Variants in UMAD1 observed in about 807,000 individuals in gnomAD.
UMAD1 encodes the protein UBAP1-MVB12-associated (UMA)-domain containing protein 1.
UMAD1 carries 8 observed loss-of-function variants against 6.1 expected under a neutral mutation model. The observed-to-expected ratio is 1.30, with a 90% confidence interval of 0.76 to 2.35. The LOEUF (loss-of-function observed/expected upper bound fraction) is 2.35, where lower values mean the gene tolerates loss of function less well. Ranked by LOEUF, UMAD1 falls within the 30% of genes most tolerant of loss-of-function variation. The pLI is 0.00. For missense variants in UMAD1, 130 were observed against 78.4 expected, an observed-to-expected ratio of 1.66 and a Z score of -2.49; for synonymous variants, 56 against 31.4, an observed-to-expected ratio of 1.78 and a Z score of -2.61.
chr7:7,807,335 C>G (rs892604590), intron 3 of UMAD1, among the ~76,000 whole-genome samples: 2 of 151,956 alleles, frequency 1.3e-5, no homozygotes, highest in African/African-American at 4.8e-5. Flanking sequence ...AAATGAAATT[C>G]TTCATTAAGA....
intron 2 of UMAD1, among the ~76,000 whole-genome samples, chr7:7,711,797 G>C (rs1780770652): frequency 6.6e-6 from 1 of 151,970 alleles, no homozygotes; most frequent in East Asian, 1.9e-4. Context: ...ACATTTTGAT[G>C]TGACAGTTTT....
At chr7:7,798,899 C>T (rs1202481825) in intron 2 of UMAD1, among the ~76,000 whole-genome samples, 1 of 152,122 alleles carries the variant, frequency 6.6e-6, no homozygotes, top group Non-Finnish European at 1.5e-5. Flanking sequence ...GTAATCAAAT[C>T]TGATGTTTTT....
intron 2 of UMAD1, among the ~76,000 whole-genome samples, chr7:7,772,635 G>A (rs1782123263): frequency 1.3e-5 from 2 of 152,016 alleles, no homozygotes; most frequent in South Asian, 2.1e-4. Flanking sequence ...TGTTTTTATT[G>A]TGGAACCGAT....
intron 3 of UMAD1, among the ~76,000 whole-genome samples, chr7:7,813,744 G>A (rs1351677114): frequency 3.3e-5 from 5 of 152,254 alleles, no homozygotes; most frequent in East Asian, 1.9e-4. Context: ...AGATATTCTG[G>A]CATTTATGAC....
chr7:7,822,775 T>C (rs1232568312), intron 3 of UMAD1, among the ~76,000 whole-genome samples: 2 of 152,180 alleles, frequency 1.3e-5, no homozygotes, highest in East Asian at 3.8e-4. Flanking sequence ...CATTCTCTTT[T>C]TCTAGCAATC....
intron 2 of UMAD1, among the ~76,000 whole-genome samples, chr7:7,680,415 G>A (rs927177024): frequency 3.3e-5 from 5 of 151,978 alleles, no homozygotes; most frequent in African/African-American, 9.7e-5. Flanking sequence ...TTTTTATGCC[G>A]GTACTGTGCT....
chr7:7,843,572 CTTATTTATTA>C (rs535443936), intron 3 of UMAD1, among the ~76,000 whole-genome samples: 35 of 152,190 alleles, frequency 2.3e-4, no homozygotes, highest in Admixed American at 9.8e-4. Flanking sequence ...CTATAGTTGT[CTTATTTATTA>C]TTACCTAACA....
chr7:7,877,231 C>T, intron 3 of UMAD1, 50 bp from the exon 4 acceptor site: 2 of 685,744 alleles, frequency 2.9e-6, no homozygotes, highest in Non-Finnish European at 5.5e-6. Flanking sequence ...TACCGTTATT[C>T]AACCTCAAAG....
chr7:7,838,579 G>C (rs1227367089), intron 3 of UMAD1, among the ~76,000 whole-genome samples: 1 of 152,120 alleles, frequency 6.6e-6, no homozygotes, highest in Admixed American at 6.6e-5. Flanking sequence ...ATTCTTTCAT[G>C]ATCCAGCAAG....
intron 2 of UMAD1, among the ~76,000 whole-genome samples, chr7:7,722,967 A>T (rs190650805): frequency 6.6e-6 from 1 of 152,302 alleles, no homozygotes; most frequent in East Asian, 1.9e-4. Flanking sequence ...TCTCCAACCG[A>T]TGCTGCCATC....
intron 2 of UMAD1, among the ~76,000 whole-genome samples, chr7:7,710,152 A>G (rs935276405): frequency 6.6e-6 from 1 of 152,120 alleles, no homozygotes; most frequent in Non-Finnish European, 1.5e-5. Flanking sequence ...TTGACATTCC[A>G]TTGATGAATA....
chr7:7,779,159 A>G (rs1033690429), intron 2 of UMAD1, among the ~76,000 whole-genome samples: 1 of 152,210 alleles, frequency 6.6e-6, no homozygotes, highest in South Asian at 2.1e-4. Flanking sequence ...CCTCTGAAGT[A>G]TTTTGAAGTG....
intron 2 of UMAD1, among the ~76,000 whole-genome samples, chr7:7,720,531 T>C (rs561288376): frequency 6.6e-6 from 1 of 152,298 alleles, no homozygotes; most frequent in African/African-American, 2.4e-5. Flanking sequence ...TACAGTACTA[T>C]AGTGCTGACT....
chr7:7,762,066 A>G (rs1011831114), intron 2 of UMAD1, among the ~76,000 whole-genome samples: 1 of 152,226 alleles, frequency 6.6e-6, no homozygotes, highest in African/African-American at 2.4e-5. Context: ...GCCAGAATTC[A>G]GAAAGTAGAA....
At chr7:7,852,796 C>T (rs547790970) in intron 3 of UMAD1, among the ~76,000 whole-genome samples, 10 of 152,142 alleles carry the variant, frequency 6.6e-5, no homozygotes, top group Non-Finnish European at 1.5e-4. Flanking sequence ...TGCAGACATC[C>T]TTGGATAGAC....
Position 7,838,180 on chromosome 7 carries a change from T to G in UMAD1, c.156+36437T>G, listed in dbSNP as rs902102984. Among the ~76,000 whole-genome samples the G allele has an allele frequency of 2.6e-5, 4 of 152,170 alleles. 1 individual carries two copies. The highest frequency in any genetic ancestry group is 9.7e-5 in the African/African-American group (4 of 41,450). On this transcript the variant is annotated intron_variant, in intron 3 of 3. Coordinates refer to ENST00000682710, the MANE Select transcript of UMAD1 (RefSeq NM_001302348.2). The stretch of plus-strand genomic sequence containing the variant: ...CTGAAAGAGAGGCCAGATAAATATT[T>G]TAGGCCTTGCAGGGCGCATATAGTC...
rs533299007 is a variant in UMAD1, at chr7:7,724,713, A to G, written c.82+51260A>G. On this transcript the variant is annotated intron_variant, in intron 2 of 3. Coordinates refer to ENST00000682710, the MANE Select transcript of UMAD1 (RefSeq NM_001302348.2). ...AGTGGTGACTGCAATTGCAGCTGCT[A>G]TACCAGATGTGGTTTCATTGCTTGA... Among the ~76,000 whole-genome samples the G allele has an allele frequency of 3.3e-5, 5 of 152,336 alleles. No individual in the cohort carries two copies. The East Asian group carries it at 7.7e-4, about 23-fold the overall frequency.
chr7:7,703,922 AC>A (rs1450913533), intron 2 of UMAD1, among the ~76,000 whole-genome samples: 1 of 152,070 alleles, frequency 6.6e-6, no homozygotes, highest in Non-Finnish European at 1.5e-5. Flanking sequence ...AGCCTGGGCG[AC>A]AGATAACCTG....
At chr7:7,684,721 A>G (rs943307722) in intron 2 of UMAD1, among the ~76,000 whole-genome samples, 3 of 152,212 alleles carry the variant, frequency 2.0e-5, no homozygotes, top group African/African-American at 4.8e-5. Flanking sequence ...CCATAGTACA[A>G]CTATGAATTT....
Sources: allele counts gnomAD v4.1 joint callset (sites outside exome capture counted in the v4.1 genomes callset), GRCh38; gene constraint gnomAD v4.1.1; transcripts MANE v1.5; gene names NCBI Gene and HGNC (gene_info 2026-07-23, HGNC 2026-07-21).